GPR143: variants seen among roughly 807,000 people sequenced by gnomAD.
GPR143 encodes G protein-coupled receptor 143.
In GPR143, 8 loss-of-function variants were observed where a neutral mutation model predicts 27.6. The observed-to-expected ratio is 0.29, with a 90% CI of 0.17 to 0.52. The LOEUF is 0.52. Among genes scored for constraint, GPR143 ranks in the 20% least tolerant of loss-of-function variants. The pLI is 0.96. For missense variants in GPR143, 303 were observed against 343.1 expected (o/e 0.88, Z 0.92); for synonymous variants, 156 against 153.2 (o/e 1.02, Z -0.13).
rs753538602 is a variant in GPR143, at chrX:9,765,829, G to A, written c.-12C>T. On this transcript the variant is annotated 5_prime_UTR_variant, in exon 1 of 9. Transcript: ENST00000467482. ...CGCGGGGAGGCCATGGGCTGTGTTC[G>A]CGGACGCGGCTCGGGTGTGCCAGGA... 3.1e-5 allele frequency: 33 copies of A among 1,079,948 alleles called. 1 individual carries two copies. In the South Asian group the frequency reaches 7.9e-4, roughly 26 times the overall value. The allele number at this position is 1,079,948 out of a possible 1,213,427, so 89.0% of individuals were successfully genotyped here.
chrX:9,749,089 A>G (rs977645884), intron 3 of GPR143, among the ~76,000 whole-genome samples: 4 of 112,161 alleles, frequency 3.6e-5, no homozygotes, highest in African/African-American at 1.3e-4. Context: ...TTGGATGGAA[A>G]TCAATTGGTT....
At chrX:9,751,770 AT>A (rs974935483) in intron 3 of GPR143, among the ~76,000 whole-genome samples, 5 of 112,852 alleles carry the variant, frequency 4.4e-5, no homozygotes, top group Non-Finnish European at 9.4e-5. Context: ...ATATTACAGT[AT>A]TTAAGTTACG....
chrX:9,771,922 G>A (rs2083556408), intron 1 of GPR143, among the ~76,000 whole-genome samples: 1 of 110,361 alleles, frequency 9.1e-6, no homozygotes, highest in Admixed American at 9.7e-5. Flanking sequence ...TGTTAGCCAG[G>A]CTGGTCTTGA....
chrX:9,758,788 C>T (rs1442644472), intron 3 of GPR143, among the ~76,000 whole-genome samples: 1 of 110,413 alleles, frequency 9.1e-6, no homozygotes, highest in African/African-American at 3.3e-5. Context: ...CTGAGGAGGC[C>T]GAGGTGGAAG....
chrX:9,736,219 G>A (rs949643392), intron 8 of GPR143, among the ~76,000 whole-genome samples: 4 of 111,635 alleles, frequency 3.6e-5, no homozygotes, highest in Non-Finnish European at 7.5e-5. Context: ...CAATACAATG[G>A]TGATGAGAGC....
chrX:9,756,089 C>T (rs778603069), intron 3 of GPR143, among the ~76,000 whole-genome samples: 18 of 111,965 alleles, frequency 1.6e-4, no homozygotes, highest in African/African-American at 1.9e-4. Context: ...GATTTTAGAG[C>T]GGGGATCTAC....
chrX:9,735,451 A>G (rs949497683), intron 8 of GPR143, among the ~76,000 whole-genome samples: 8 of 111,058 alleles, frequency 7.2e-5, no homozygotes, highest in African/African-American at 1.6e-4. Flanking sequence ...ATGCTGTTCT[A>G]TCATCTAAGA....
At chrX:9,736,050 GC>G (rs2083378065) in intron 8 of GPR143, among the ~76,000 whole-genome samples, 1 of 111,214 alleles carries the variant, frequency 9.0e-6, no homozygotes, top group Non-Finnish European at 1.9e-5. Context: ...GGATCCTGCT[GC>G]CTGCAAGCTG....
At chrX:9,761,231 T>C (rs1285798797) in intron 1 of GPR143, among the ~76,000 whole-genome samples, 2 of 111,242 alleles carry the variant, frequency 1.8e-5, no homozygotes, top group Non-Finnish European at 3.8e-5. Context: ...GTGGCTGGGA[T>C]TACAGGCACC....
chrX:9,754,248 G>C (rs1002356744), intron 3 of GPR143, among the ~76,000 whole-genome samples: 13 of 112,107 alleles, frequency 1.2e-4, no homozygotes, highest in Non-Finnish European at 2.4e-4. Context: ...GAGACAAGAG[G>C]AAAGAAACAA....
At chrX:9,736,769 A>G (rs59206801) in intron 8 of GPR143, among the ~76,000 whole-genome samples, 9,808 of 111,902 alleles carry the variant, frequency 0.088, 995 homozygotes, top group African/African-American at 0.3. Context: ...TGTATTTCTC[A>G]TTTTTCTCAA....
chrX:9,760,442 A>G (rs1429408357), intron 2 of GPR143, among the ~76,000 whole-genome samples: 1 of 111,713 alleles, frequency 9.0e-6, no homozygotes, highest in African/African-American at 3.3e-5. Context: ...AAATGCATCC[A>G]ATGGATTGAT....
chrX:9,733,847 C>T (rs1306500693), intron 8 of GPR143, among the ~76,000 whole-genome samples: 4 of 110,633 alleles, frequency 3.6e-5, no homozygotes, highest in Admixed American at 9.6e-5. Flanking sequence ...TTTGGGAGGC[C>T]GAGGCGGGCA....
chrX:9,748,765 T>C (rs1198539210), intron 3 of GPR143, 99 bp from the exon 4 acceptor site: 34 of 568,278 alleles, frequency 6.0e-5, no homozygotes, highest in African/African-American at 2.2e-5. Flanking sequence ...GTCAGGAAAA[T>C]GTACACAGAG....
chrX:9,760,081 T>C (rs1190483611), intron 2 of GPR143, among the ~76,000 whole-genome samples: 1 of 112,186 alleles, frequency 8.9e-6, no homozygotes, highest in Non-Finnish European at 1.9e-5. Flanking sequence ...TGTTTATATA[T>C]AATTATGTGG....
chrX:9,761,382 C>T (rs1189592780), intron 1 of GPR143, among the ~76,000 whole-genome samples: 2 of 112,579 alleles, frequency 1.8e-5, no homozygotes, highest in African/African-American at 3.2e-5. Context: ...TGAGCCACCG[C>T]GCCTGGCCTG....
chrX:9,743,641 A>G lies in GPR143; in HGVS notation c.691T>C (p.Tyr231His), dbSNP rs1233707564. The part of the protein sequence containing the change: ...ASLLKGRQGI[Y>H]TENERRMGAV... The stretch of plus-strand genomic sequence containing the variant: ...CCCATCCTCCTCTCGTTCTCCGTGT[A>G]AATGCCTTGTCTTCCTTTAAGTAAA... Residue 231 changes from tyrosine to histidine, a missense_variant, in exon 6 of 9, where the codon TAC becomes CAC. Tyr to His is a moderately conservative substitution (Grantham distance 83). Transcript: ENST00000467482. The G allele has an allele frequency of 2.6e-6, 3 of 1,175,848 alleles. No homozygotes were observed. In the African/African-American group the frequency reaches 5.3e-5, roughly 21 times the overall value.
chrX:9,758,193 A>G (rs2083480974), intron 3 of GPR143, among the ~76,000 whole-genome samples: 2 of 111,813 alleles, frequency 1.8e-5, no homozygotes, highest in Admixed American at 9.5e-5. Context: ...GAGCCCTGCC[A>G]TGCCACATCC....
intron 8 of GPR143, 140 bp from the exon 9 acceptor site, chrX:9,725,980 C>CA (rs35066814): frequency 0.074 from 24,708 of 334,814 alleles, 339 homozygotes; most frequent in East Asian, 0.3. Flanking sequence ...ATCTCATCTG[C>CA]AAAAAAAAAA....
Sources: allele counts gnomAD v4.1 joint callset (sites outside exome capture counted in the v4.1 genomes callset), GRCh38; gene constraint gnomAD v4.1.1; transcripts MANE v1.5; gene names NCBI Gene and HGNC (gene_info 2026-07-23, HGNC 2026-07-21).